The following AGBL4 variants were observed in gnomAD, a reference collection of about 807,000 sequenced individuals.
The protein encoded by AGBL4 is cytosolic carboxypeptidase 6.
A neutral mutation model predicts 66.4 loss-of-function variants in AGBL4; 58 were observed. The ratio of observed to expected loss-of-function variants is 0.87; its 90% CI spans 0.71 to 1.09. AGBL4 has a LOEUF of 1.09. AGBL4 is among the 50% of genes least tolerant of loss of function. The pLI is 0.00. For missense variants in AGBL4, 579 were observed against 631.0 expected (o/e 0.92, Z 0.88); for synonymous variants, 234 against 222.9 (o/e 1.05, Z -0.44).
chr1:49,167,753 C>T lies in AGBL4; in HGVS notation c.377+78017G>A, dbSNP rs28725368. Among the ~76,000 whole-genome samples, 570 of 152,262 alleles carry T rather than the reference C, an allele frequency of 3.7e-3. 8 individuals are homozygous for T. The highest frequency in any genetic ancestry group is 0.012 in the African/African-American group (504 of 41,564). Reference sequence around the variant, plus strand: ...ATTATATTTGTTTTAGAGAATGTTGCGTACACCGAATTAAATTAGTGCAAA... The same window carrying T: ...ATTATATTTGTTTTAGAGAATGTTGTGTACACCGAATTAAATTAGTGCAAA... On this transcript the variant is annotated intron_variant, in intron 4 of 13. Coordinates refer to ENST00000371839, the MANE Select transcript of AGBL4 (RefSeq NM_032785.4).
intron 6 of AGBL4, among the ~76,000 whole-genome samples, chr1:48,849,005 A>AACACC (rs1646977009): frequency 6.6e-6 from 1 of 152,216 alleles, no homozygotes; most frequent in Non-Finnish European, 1.5e-5. Flanking sequence ...AACTTTACCA[A>AACACC]ACACCACTTA....
At chr1:48,681,372 C>T (rs1016504855) in intron 6 of AGBL4, among the ~76,000 whole-genome samples, 2 of 152,172 alleles carry the variant, frequency 1.3e-5, no homozygotes, top group African/African-American at 4.8e-5. Context: ...ATCAGGCCCC[C>T]AAAGATGCCT....
intron 1 of AGBL4, among the ~76,000 whole-genome samples, chr1:49,929,492 T>C (rs139814320): frequency 2.6e-4 from 40 of 152,232 alleles, no homozygotes; most frequent in African/African-American, 9.4e-4. Flanking sequence ...AGTAAAAATA[T>C]GTGCCAAAAA....
chr1:48,666,050 C>T (rs1306720881), intron 6 of AGBL4, among the ~76,000 whole-genome samples: 2 of 152,164 alleles, frequency 1.3e-5, no homozygotes, highest in Admixed American at 6.5e-5. Flanking sequence ...ATCTCGGGTG[C>T]TAATATAAGC....
intron 9 of AGBL4, among the ~76,000 whole-genome samples, chr1:48,593,987 A>G (rs191194346): frequency 1.2e-3 from 176 of 152,302 alleles, no homozygotes; most frequent in Non-Finnish European, 2.0e-3. Context: ...TTAGTACTGT[A>G]TAATTATCTT....
At position 49,040,804 on chromosome 1, in the gene AGBL4, T is replaced by A. The variant is rs1643918882; in HGVS notation, c.594+4780A>T. ...GAAGTGAGAATTAACAAGGGAACTT[T>A]TTGAGATGATGGAAATGTTCTAAAA... On this transcript the variant is annotated intron_variant, in intron 5 of 13. Transcript: ENST00000371839. Among the ~76,000 whole-genome samples, 3 of 152,060 alleles carry A rather than the reference T, an allele frequency of 2.0e-5. No homozygotes were observed. In the South Asian group the frequency reaches 6.2e-4, roughly 32 times the overall value.
intron 6 of AGBL4, among the ~76,000 whole-genome samples, chr1:48,783,816 G>A (rs2148721478): frequency 6.6e-6 from 1 of 152,242 alleles, no homozygotes; most frequent in Admixed American, 6.5e-5. Flanking sequence ...ATGAGACGAA[G>A]TTGAGCACCT....
intron 5 of AGBL4, among the ~76,000 whole-genome samples, chr1:48,906,969 T>C (rs1464621606): frequency 6.6e-6 from 1 of 152,184 alleles, no homozygotes; most frequent in Non-Finnish European, 1.5e-5. Context: ...CAGCCAGGCC[T>C]GCAGAGGTAT....
intron 4 of AGBL4, among the ~76,000 whole-genome samples, chr1:49,139,214 G>T (rs1646070179): frequency 2.0e-5 from 3 of 151,996 alleles, no homozygotes; most frequent in African/African-American, 4.8e-5. Flanking sequence ...ACCATATCAG[G>T]CATAGCCATA....
At chr1:49,199,677 G>C (rs1399921832) in intron 4 of AGBL4, among the ~76,000 whole-genome samples, 1 of 152,086 alleles carries the variant, frequency 6.6e-6, no homozygotes, top group Non-Finnish European at 1.5e-5. Flanking sequence ...ACCATAATTG[G>C]CTTTTAGAAT....
At position 49,789,828 on chromosome 1, in the gene AGBL4, T is replaced by C. The variant is rs184331629; in HGVS notation, c.157+61568A>G. 3.1e-4 allele frequency among the ~76,000 whole-genome samples: 47 copies of C among 152,284 alleles called. 1 individual carries two copies. Among genetic ancestry groups the C allele is most frequent in the African/African-American group, 1.1e-3 (45 of 41,564 alleles). Reference sequence around the variant, plus strand: ...CTTTCTTCACAGAATTAGAAAATACTACTTTACATGTCATAAGGAACCAAA... The same window carrying C: ...CTTTCTTCACAGAATTAGAAAATACCACTTTACATGTCATAAGGAACCAAA... On this transcript the variant is annotated intron_variant, in intron 2 of 13. Coordinates refer to ENST00000371839, the MANE Select transcript of AGBL4 (RefSeq NM_032785.4).
intron 3 of AGBL4, among the ~76,000 whole-genome samples, chr1:49,648,250 G>A (rs539673891): frequency 4.6e-5 from 7 of 151,646 alleles, no homozygotes; most frequent in South Asian, 4.2e-4. Flanking sequence ...ATATAGGCTG[G>A]ACACAGCTGA....
intron 3 of AGBL4, among the ~76,000 whole-genome samples, chr1:49,678,445 C>A (rs1247191043): frequency 1.3e-5 from 2 of 152,088 alleles, no homozygotes; most frequent in Non-Finnish European, 2.9e-5. Flanking sequence ...TACTGCTTTT[C>A]ATTTTCAATC....
intron 11 of AGBL4, among the ~76,000 whole-genome samples, chr1:48,554,888 T>A (rs2148288618): frequency 6.6e-6 from 1 of 152,330 alleles, no homozygotes; most frequent in South Asian, 2.1e-4. Context: ...ATTATTTTTA[T>A]GCTATAATTC....
intron 1 of AGBL4, among the ~76,000 whole-genome samples, chr1:49,940,196 GA>G (rs1654594298): frequency 6.6e-6 from 1 of 152,126 alleles, no homozygotes; most frequent in Non-Finnish European, 1.5e-5. Context: ...AAAAAGTCAG[GA>G]AACAACAGGT....
At chr1:49,363,945 G>C (rs997703813) in intron 3 of AGBL4, among the ~76,000 whole-genome samples, 2 of 152,146 alleles carry the variant, frequency 1.3e-5, no homozygotes, top group East Asian at 3.9e-4. Context: ...AAAAACACAG[G>C]GGGGCTGTGG....
intron 1 of AGBL4, among the ~76,000 whole-genome samples, chr1:49,970,695 C>CA (rs1387298320): frequency 1.1e-4 from 11 of 96,402 alleles, no homozygotes; most frequent in East Asian, 1.0e-3. Flanking sequence ...GACTCCGACT[C>CA]AAAAAAAAAC....
At chr1:49,655,333 C>T (rs6683341) in intron 3 of AGBL4, among the ~76,000 whole-genome samples, 103,752 of 152,032 alleles carry the variant, frequency 0.68, 36,129 homozygotes, top group African/African-American at 0.77. Context: ...CTTCCCTTTG[C>T]GGGTAACCCA....
intron 3 of AGBL4, among the ~76,000 whole-genome samples, chr1:49,375,507 C>G (rs929947678): frequency 1.3e-5 from 2 of 152,038 alleles, no homozygotes; most frequent in Non-Finnish European, 2.9e-5. Flanking sequence ...CAGAGCTTAT[C>G]TGCATGTAGA....
Sources: allele counts gnomAD v4.1 joint callset (sites outside exome capture counted in the v4.1 genomes callset), GRCh38; gene constraint gnomAD v4.1.1; transcripts MANE v1.5; gene names NCBI Gene and HGNC (gene_info 2026-07-23, HGNC 2026-07-21).